The following PPP2R5E variants were observed in gnomAD, a reference collection of about 807,000 sequenced individuals.
The protein encoded by PPP2R5E is serine/threonine-protein phosphatase 2A 56 kDa regulatory subunit epsilon isoform.
Under a neutral mutation model 65.3 loss-of-function variants are expected in PPP2R5E, and 4 were observed. That is an observed-to-expected ratio of 0.06 (90% CI 0.03 to 0.14). PPP2R5E has a LOEUF of 0.14. Ranked by LOEUF, PPP2R5E falls within the 10% of genes least tolerant of loss-of-function variation. The pLI, the probability that PPP2R5E is intolerant of heterozygous loss-of-function variation, is 1.00. For missense variants in PPP2R5E, 274 were observed against 556.1 expected (o/e 0.49, Z 5.10); for synonymous variants, 183 against 187.4 (o/e 0.98, Z 0.19).
chr14:63,389,169 T>C (rs1279552886), intron 11 of PPP2R5E, among the ~76,000 whole-genome samples: 1 of 151,540 alleles, frequency 6.6e-6, no homozygotes, highest in African/African-American at 2.4e-5. Flanking sequence ...CTTCAGAGGA[T>C]AATGGGACAT....
At chr14:63,449,872 ATTTTT>A (rs35931655) in intron 3 of PPP2R5E, among the ~76,000 whole-genome samples, 1 of 105,412 alleles carries the variant, frequency 9.5e-6, no homozygotes, top group African/African-American at 4.0e-5. Flanking sequence ...TTCTTTTCCT[ATTTTT>A]TTTTTTTTTT....
intron 2 of PPP2R5E, among the ~76,000 whole-genome samples, chr14:63,505,363 C>A (rs1258631837): frequency 6.6e-6 from 1 of 152,194 alleles, no homozygotes; most frequent in Non-Finnish European, 1.5e-5. Context: ...AGCAGCTTTA[C>A]ACCTCTAAGG....
intron 2 of PPP2R5E, among the ~76,000 whole-genome samples, chr14:63,496,469 A>G (rs1048173602): frequency 1.1e-4 from 16 of 150,012 alleles, no homozygotes; most frequent in Non-Finnish European, 2.2e-4. Context: ...AGAGTGAGCC[A>G]CTTAAGGCTT....
intron 2 of PPP2R5E, among the ~76,000 whole-genome samples, chr14:63,477,416 A>G (rs958150378): frequency 2.6e-5 from 4 of 152,168 alleles, no homozygotes; most frequent in African/African-American, 9.6e-5. Flanking sequence ...TGTGGTTTAC[A>G]GAAATTATTT....
In PPP2R5E at chr14:63,531,480, A is replaced by T. The variant is rs190194452; in HGVS notation, c.157+8049T>A. ...CTTAAAGTATAATAATAATAAAATT[A>T]AAAAGAAAAAAAAAAATAACATAGT... On this transcript the variant is annotated intron_variant, in intron 2 of 13. Transcript: ENST00000337537. Among the ~76,000 whole-genome samples, 151 of 122,610 alleles carry T rather than the reference A, an allele frequency of 1.2e-3. 1 individual carries two copies. The highest frequency in any genetic ancestry group is 1.6e-3 in the Non-Finnish European group (104 of 63,500). The allele number at this position is 122,610 out of a possible 152,430, so 80.4% of individuals were successfully genotyped here.
chr14:63,470,307 AG>A (rs1026510876), intron 2 of PPP2R5E, among the ~76,000 whole-genome samples: 1 of 152,014 alleles, frequency 6.6e-6, no homozygotes, highest in Non-Finnish European at 1.5e-5. Context: ...CCTAGGCTCA[AG>A]GGATCCTTGC....
intron 13 of PPP2R5E, among the ~76,000 whole-genome samples, chr14:63,381,683 T>C (rs1358691755): frequency 6.6e-6 from 1 of 152,192 alleles, no homozygotes; most frequent in African/African-American, 2.4e-5. Context: ...AGACCACATA[T>C]ACCACGGTGG....
In PPP2R5E at chr14:63,375,776, C is replaced by A. The variant is rs530523318; in HGVS notation, c.*233G>T. 2.2e-5 allele frequency: 7 copies of A among 316,670 alleles called. No individual in the cohort carries two copies. Among genetic ancestry groups the A allele is most frequent in the Non-Finnish European group, 2.9e-5 (5 of 174,010 alleles). The allele number at this position is 316,670 out of a possible 1,614,324, so 19.6% of individuals were successfully genotyped here. On this transcript the variant is annotated 3_prime_UTR_variant, in exon 14 of 14. Coordinates refer to ENST00000337537, the MANE Select transcript of PPP2R5E (RefSeq NM_006246.5). Reference sequence around the variant, plus strand: ...TTTTTTTTTTAAAAGAGGGTGAGAACAATGATTATGTTTGCAAAGTTCTGA... The same window carrying A: ...TTTTTTTTTTAAAAGAGGGTGAGAAAAATGATTATGTTTGCAAAGTTCTGA...
chr14:63,521,387 G>A (rs1892901285), intron 2 of PPP2R5E, among the ~76,000 whole-genome samples: 1 of 152,160 alleles, frequency 6.6e-6, no homozygotes, highest in Non-Finnish European at 1.5e-5. Flanking sequence ...CCAGTTAGTT[G>A]GCCGGGCGCA....
chr14:63,507,238 G>A (rs1236019527), intron 2 of PPP2R5E, among the ~76,000 whole-genome samples: 2 of 152,170 alleles, frequency 1.3e-5, no homozygotes, highest in South Asian at 2.1e-4. Flanking sequence ...GAAAGGATAT[G>A]GGGCCTTAAA....
At chr14:63,512,878 T>C (rs1451765284) in intron 2 of PPP2R5E, among the ~76,000 whole-genome samples, 1 of 152,048 alleles carries the variant, frequency 6.6e-6, no homozygotes, top group Non-Finnish European at 1.5e-5. Context: ...CTAACATTAG[T>C]ATTATATATT....
At chr14:63,435,904 T>C (rs1031435869) in intron 3 of PPP2R5E, among the ~76,000 whole-genome samples, 5 of 152,214 alleles carry the variant, frequency 3.3e-5, no homozygotes, top group South Asian at 2.1e-4. Context: ...CGCTCCAAAA[T>C]TGGAAATGTA....
chr14:63,514,074 G>GTTTT (rs1892566302), intron 2 of PPP2R5E, among the ~76,000 whole-genome samples: 2 of 152,146 alleles, frequency 1.3e-5, no homozygotes, highest in Non-Finnish European at 2.9e-5. Flanking sequence ...CTAAGCCCCA[G>GTTTT]ATATGACAGG....
chr14:63,541,888 A>G (rs1893917590), intron 1 of PPP2R5E, among the ~76,000 whole-genome samples: 1 of 152,270 alleles, frequency 6.6e-6, no homozygotes, highest in African/African-American at 2.4e-5. Flanking sequence ...GATTCAAAAT[A>G]GAATCACAAA....
intron 11 of PPP2R5E, among the ~76,000 whole-genome samples, chr14:63,385,630 G>C (rs936983099): frequency 3.3e-5 from 5 of 152,092 alleles, no homozygotes; most frequent in Non-Finnish European, 7.4e-5. Context: ...CTATGGGCAG[G>C]CACTGTGCCT....
At chr14:63,515,275 T>C (rs187769979) in intron 2 of PPP2R5E, among the ~76,000 whole-genome samples, 3 of 152,346 alleles carry the variant, frequency 2.0e-5, no homozygotes, top group Admixed American at 1.3e-4. Context: ...CCTCCTCTGA[T>C]TGAAGCTTTC....
At chr14:63,508,167 T>C (rs1892300532) in intron 2 of PPP2R5E, 1 of 985,572 alleles carries the variant, frequency 1.0e-6, no homozygotes, top group Middle Eastern at 5.2e-4. Flanking sequence ...AGGCCTTCAT[T>C]ACCAAGTGTG....
chr14:63,376,190 A>C, intron 13 of PPP2R5E, 82 bp from the exon 14 acceptor site: 1 of 991,140 alleles, frequency 1.0e-6, no homozygotes, highest in Non-Finnish European at 1.6e-6. Context: ...ATTTCACCTT[A>C]ACACTCCTTT....
chr14:63,393,582 T>G (rs539117057), intron 8 of PPP2R5E, among the ~76,000 whole-genome samples: 1 of 151,994 alleles, frequency 6.6e-6, no homozygotes, highest in African/African-American at 2.4e-5. Context: ...CATGGTGGCG[T>G]GCGCTTGTAG....
Sources: gnomAD v4.1 joint callset for allele counts (sites outside exome capture counted in the v4.1 genomes callset) on GRCh38, gnomAD v4.1.1 for gene constraint, MANE v1.5 for transcripts, NCBI Gene and HGNC (gene_info 2026-07-23, HGNC 2026-07-21) for gene names.